IGF1R: variants seen among roughly 807,000 people sequenced by gnomAD.
IGF1R encodes the protein insulin like growth factor 1 receptor, also known as insulin-like growth factor 1 receptor.
IGF1R carries 44 observed loss-of-function variants against 144.6 expected under a neutral mutation model. That is an observed-to-expected ratio of 0.30 (90% CI 0.24 to 0.39). The LOEUF (loss-of-function observed/expected upper bound fraction) is 0.39. Ranked by LOEUF, IGF1R falls within the 10% of genes least tolerant of loss-of-function variation. The pLI, the probability that IGF1R is intolerant of heterozygous loss-of-function variation, is 1.00. For synonymous variants in IGF1R, 795 were observed against 722.8 expected (o/e 1.10, Z -1.60); for missense variants, 1,355 against 1,833.7 (o/e 0.74, Z 4.77).
At position 98,961,827 on chromosome 15, in the gene IGF1R, G is replaced by T. The variant is rs1037802821; in HGVS notation, c.*4385G>T. On this transcript the variant is annotated 3_prime_UTR_variant, in exon 21 of 21. Transcript: ENST00000650285. ...GAACGAGCCTCCTCCTTGGAAGATGGAAGACCGTGTTCGTGGCCGACCTGG... is the reference window on the plus strand; with the variant it reads ...GAACGAGCCTCCTCCTTGGAAGATGTAAGACCGTGTTCGTGGCCGACCTGG... 29 of 233,220 alleles carry T rather than the reference G, an allele frequency of 1.2e-4. No individual in the cohort carries two copies. In the Admixed American group the frequency reaches 1.4e-3, roughly 11 times the overall value. The allele number at this position is 233,220 out of a possible 1,614,324, so 14.4% of individuals were successfully genotyped here.
rs1324174402 is a variant in IGF1R at position 98,704,135 on chromosome 15, A to G, written c.95-3427A>G. 2.6e-5 allele frequency among the ~76,000 whole-genome samples: 4 copies of G among 151,996 alleles called. No individual in the cohort carries two copies. In the East Asian group the frequency reaches 7.7e-4, roughly 29 times the overall value. ...CACACATGCCCAGATTCCCTCAGAC[A>G]CCTCCACAAAGGGTAATAAAATGGT... On this transcript the variant is annotated intron_variant, in intron 1 of 20. Transcript: ENST00000650285. The surrounding 1 kb of genome is among the most constrained non-coding windows in gnomAD (Gnocchi z 4.9).
At chr15:98,846,610 T>G (rs770649736) in intron 2 of IGF1R, among the ~76,000 whole-genome samples, 9 of 152,204 alleles carry the variant, frequency 5.9e-5, no homozygotes, top group Non-Finnish European at 1.0e-4. Context: ...CTCTGGTTCA[T>G]GCACACTGGT....
At chr15:98,899,388 G>A (rs2014361557) in intron 4 of IGF1R, 89 bp from the exon 5 acceptor site, 1 of 1,383,480 alleles carries the variant, frequency 7.2e-7, no homozygotes, top group Admixed American at 1.7e-5. Context: ...ACCTGCCGTT[G>A]AATTGTTCTC....
intron 2 of IGF1R, among the ~76,000 whole-genome samples, chr15:98,746,806 G>T (rs185611901): frequency 6.6e-6 from 1 of 152,304 alleles, no homozygotes; most frequent in East Asian, 1.9e-4. Flanking sequence ...ATGTGGTAAA[G>T]AATTCAAAGG....
In IGF1R at chr15:98,875,758, T is replaced by G. The variant is rs145386498; in HGVS notation, c.641-15567T>G. Reference sequence around the variant, plus strand: ...AAAAGATGAGGCTGTGGGGTTGGGGTGAAGGCTTCCCCAGCAGGAAGAGAG... The same window carrying G: ...AAAAGATGAGGCTGTGGGGTTGGGGGGAAGGCTTCCCCAGCAGGAAGAGAG... On this transcript the variant is annotated intron_variant, in intron 2 of 20. Coordinates refer to ENST00000650285, the MANE Select transcript of IGF1R (RefSeq NM_000875.5). 6.6e-3 allele frequency among the ~76,000 whole-genome samples: 997 copies of G among 152,208 alleles called. 11 individuals carry two copies. The highest frequency in any genetic ancestry group is 0.023 in the African/African-American group (963 of 41,520).
intron 1 of IGF1R, among the ~76,000 whole-genome samples, chr15:98,698,230 G>T (rs980320753): frequency 6.6e-6 from 1 of 151,650 alleles, no homozygotes; most frequent in South Asian, 2.1e-4. Context: ...GTGGAGATGG[G>T]GTTTCACCAT....
chr15:98,842,017 G>A (rs997878805), intron 2 of IGF1R, among the ~76,000 whole-genome samples: 1 of 152,208 alleles, frequency 6.6e-6, no homozygotes, highest in Non-Finnish European at 1.5e-5. Flanking sequence ...TAGAAGCAGT[G>A]TTCTTTTGTG....
chr15:98,823,063 C>T (rs1359326917), intron 2 of IGF1R, among the ~76,000 whole-genome samples: 4 of 152,174 alleles, frequency 2.6e-5, no homozygotes, highest in African/African-American at 9.7e-5. Flanking sequence ...TTCCCGTTCC[C>T]CCCACCTCAT....
chr15:98,935,895 G>A lies in IGF1R; in HGVS notation c.3297+469G>A, dbSNP rs2016126798. 2.0e-5 allele frequency among the ~76,000 whole-genome samples: 3 copies of A among 152,148 alleles called. No individual in the cohort carries two copies. Among genetic ancestry groups the A allele is most frequent in the Non-Finnish European group, 4.4e-5 (3 of 68,034 alleles). On this transcript the variant is annotated intron_variant, in intron 17 of 20. Coordinates refer to ENST00000650285, the MANE Select transcript of IGF1R (RefSeq NM_000875.5). This position sits in a 1 kb window ranked among gnomAD's most constrained non-coding sequence, Gnocchi z 4.2. The stretch of plus-strand genomic sequence containing the variant: ...TCCCCCCTCCACCCCGTTGTGTTTA[G>A]CTTTTCATCTCAGTCCAAGTGTGTG...
At chr15:98,827,524 T>G (rs746348198) in intron 2 of IGF1R, among the ~76,000 whole-genome samples, 1 of 152,240 alleles carries the variant, frequency 6.6e-6, no homozygotes, top group South Asian at 2.1e-4. Flanking sequence ...GGAGATACTA[T>G]GAATTGGTTT....
At chr15:98,808,905 C>G (rs1163358893) in intron 2 of IGF1R, among the ~76,000 whole-genome samples, 3 of 152,202 alleles carry the variant, frequency 2.0e-5, no homozygotes, top group African/African-American at 7.2e-5. Context: ...CCAGGCTGAT[C>G]TTGAACTCCT....
chr15:98,923,782 G>A (rs1365844432), intron 11 of IGF1R, 94 bp from the exon 12 acceptor site: 25 of 988,352 alleles, frequency 2.5e-5, no homozygotes, highest in South Asian at 1.0e-4. Context: ...TGTCCTGCCC[G>A]TGTGGATGGG....
chr15:98,650,458 C>T (rs1371997154), intron 1 of IGF1R, among the ~76,000 whole-genome samples: 1 of 152,226 alleles, frequency 6.6e-6, no homozygotes, highest in Non-Finnish European at 1.5e-5. Context: ...TTCCGGGGAG[C>T]GCCACTGGGT....
At chr15:98,945,319 AT>A (rs746691641) in intron 19 of IGF1R, among the ~76,000 whole-genome samples, 6 of 152,212 alleles carry the variant, frequency 3.9e-5, no homozygotes, top group Non-Finnish European at 7.3e-5. Flanking sequence ...GTAGGTTTTA[AT>A]TTGCTGGTGA....
chr15:98,951,584 C>G (rs1396756317), intron 20 of IGF1R, among the ~76,000 whole-genome samples: 2 of 152,244 alleles, frequency 1.3e-5, no homozygotes, highest in South Asian at 4.1e-4. Flanking sequence ...GCTTGGAGCC[C>G]TTCTCGCGGT....
chr15:98,749,887 CTTTT>C (rs57470280), intron 2 of IGF1R, among the ~76,000 whole-genome samples: 7 of 138,114 alleles, frequency 5.1e-5, no homozygotes, highest in Non-Finnish European at 1.6e-5. Context: ...TATTTTTAGG[CTTTT>C]TTTTTTTTTT....
chr15:98,948,278 G>A (rs897731476), intron 19 of IGF1R, among the ~76,000 whole-genome samples: 5 of 152,208 alleles, frequency 3.3e-5, no homozygotes, highest in African/African-American at 1.2e-4. Flanking sequence ...AGTATGCTCT[G>A]CGTTCAAAGC....
At chr15:98,762,346 C>A (rs565828471) in intron 2 of IGF1R, among the ~76,000 whole-genome samples, 98 of 151,660 alleles carry the variant, frequency 6.5e-4, no homozygotes, top group African/African-American at 2.3e-3. Context: ...CAAGTGATCG[C>A]CTGCCTCAGA....
chr15:98,882,510 T>C (rs1381593463), intron 2 of IGF1R, among the ~76,000 whole-genome samples: 2 of 152,166 alleles, frequency 1.3e-5, no homozygotes. Context: ...TGTGATTGGA[T>C]GAAAGGGAGA....
Sources: gnomAD v4.1 joint callset for allele counts (sites outside exome capture counted in the v4.1 genomes callset) on GRCh38, gnomAD v4.1.1 for gene constraint, Gnocchi (gnomAD v3.1) non-coding constraint, MANE v1.5 for transcripts, NCBI Gene and HGNC (gene_info 2026-07-23, HGNC 2026-07-21) for gene names.